Variants in CCDC192 observed in about 807,000 individuals in gnomAD.
CCDC192 encodes the protein coiled-coil domain containing 192, also known as coiled-coil domain-containing protein 192.
intron 3 of CCDC192, among the ~76,000 whole-genome samples, chr5:127,760,749 A>C (rs1754873769): frequency 6.6e-6 from 1 of 151,700 alleles, no homozygotes; most frequent in Admixed American, 6.6e-5. Context: ...AGATTGAAAA[A>C]TAATAATGCT....
At chr5:127,865,628 C>A (rs1405199204) in intron 5 of CCDC192, among the ~76,000 whole-genome samples, 1 of 149,374 alleles carries the variant, frequency 6.7e-6, no homozygotes, top group Non-Finnish European at 1.5e-5. Context: ...ATCATCAAAT[C>A]GACAAAGACT....
At chr5:127,790,681 C>T (rs1756819284) in intron 3 of CCDC192, among the ~76,000 whole-genome samples, 1 of 152,082 alleles carries the variant, frequency 6.6e-6, no homozygotes, top group South Asian at 2.1e-4. Flanking sequence ...TTTTTTAGCT[C>T]CCAGATAGAA....
intron 5 of CCDC192, among the ~76,000 whole-genome samples, chr5:127,870,163 A>G (rs1197275717): frequency 1.3e-5 from 2 of 152,226 alleles, no homozygotes; most frequent in Non-Finnish European, 2.9e-5. Context: ...AATGGTCACA[A>G]TAACAAGAAT....
chr5:127,844,330 T>C (rs1750430846), intron 5 of CCDC192, among the ~76,000 whole-genome samples: 1 of 152,218 alleles, frequency 6.6e-6, no homozygotes, highest in South Asian at 2.1e-4. Flanking sequence ...AGATTAAACT[T>C]GTTAATGAGG....
chr5:127,843,813 G>A (rs1026359844), intron 5 of CCDC192, among the ~76,000 whole-genome samples: 1 of 152,158 alleles, frequency 6.6e-6, no homozygotes, highest in Non-Finnish European at 1.5e-5. Context: ...AGGTTTTCAT[G>A]TAGGCGATTT....
intron 5 of CCDC192, among the ~76,000 whole-genome samples, chr5:127,798,997 A>G (rs1757330324): frequency 6.6e-6 from 1 of 152,176 alleles, no homozygotes; most frequent in African/African-American, 2.4e-5. Flanking sequence ...AAGGATCTGA[A>G]CAACCCAAAT....
At chr5:127,740,108 A>T (rs1298190118) in intron 2 of CCDC192, 1 of 152,292 alleles carries the variant, frequency 6.6e-6, no homozygotes, top group African/African-American at 2.4e-5. Flanking sequence ...CCAAACAGAG[A>T]ACGACACTGG....
chr5:127,877,784 A>AC (rs201541912), intron 6 of CCDC192, among the ~76,000 whole-genome samples: 601 of 151,738 alleles, frequency 4.0e-3, no homozygotes, highest in Middle Eastern at 0.017. Context: ...GGGCTGGCCC[A>AC]CCCCCCCACA....
At chr5:127,794,376 C>G (rs1339335160) in intron 3 of CCDC192, among the ~76,000 whole-genome samples, 1 of 152,156 alleles carries the variant, frequency 6.6e-6, no homozygotes, top group Non-Finnish European at 1.5e-5. Context: ...TTTGTTGAAA[C>G]TCAACTTCTT....
intron 3 of CCDC192, among the ~76,000 whole-genome samples, chr5:127,765,881 G>T (rs570028200): frequency 6.6e-6 from 1 of 152,272 alleles, no homozygotes; most frequent in East Asian, 1.9e-4. Context: ...AAAAGGAGTT[G>T]TCCATATTAT....
rs560769466 is a variant in CCDC192 at position 127,779,536 on chromosome 5, C to T, written c.223-17567C>T. Among the ~76,000 whole-genome samples the T allele has an allele frequency of 8.7e-4, 132 of 152,096 alleles. 1 individual carries two copies. The highest frequency in any genetic ancestry group is 3.0e-3 in the African/African-American group (124 of 41,494). On this transcript the variant is annotated intron_variant, in intron 3 of 6. Coordinates refer to ENST00000514853, the MANE Select transcript of CCDC192 (RefSeq NM_001317938.2). ...AGTCTCGATCTCCTGACCCTGTGATCCACCCGCCTCAGCCTCCCAAAGTGC... is the reference window on the plus strand; with the variant it reads ...AGTCTCGATCTCCTGACCCTGTGATTCACCCGCCTCAGCCTCCCAAAGTGC...
chr5:127,755,872 G>A (rs535293634), intron 3 of CCDC192, among the ~76,000 whole-genome samples: 18 of 151,604 alleles, frequency 1.2e-4, no homozygotes, highest in Non-Finnish European at 1.9e-4. Context: ...ACTCATAAAA[G>A]TACCCATTCC....
chr5:127,918,359 T>C (rs1240347304), intron 6 of CCDC192, among the ~76,000 whole-genome samples: 2 of 152,182 alleles, frequency 1.3e-5, no homozygotes, highest in African/African-American at 4.8e-5. Flanking sequence ...GTTTTGTATC[T>C]TGAAACTGAG....
intron 5 of CCDC192, among the ~76,000 whole-genome samples, chr5:127,850,740 C>G (rs1414403495): frequency 6.6e-6 from 1 of 152,042 alleles, no homozygotes; most frequent in Non-Finnish European, 1.5e-5. Context: ...CCGAGGCAGG[C>G]AAATCACCTG....
chr5:127,905,682 A>C (rs1156736305), intron 6 of CCDC192, among the ~76,000 whole-genome samples: 1 of 152,296 alleles, frequency 6.6e-6, no homozygotes, highest in East Asian at 1.9e-4. Flanking sequence ...CTCACAGCCT[A>C]TGTTTCTTTT....
intron 5 of CCDC192, among the ~76,000 whole-genome samples, chr5:127,869,148 C>A (rs1751738712): frequency 6.6e-6 from 1 of 152,026 alleles, no homozygotes; most frequent in Non-Finnish European, 1.5e-5. Context: ...CATGGTGAAA[C>A]CCCATCTCTA....
At chr5:127,885,584 T>C (rs944955384) in intron 6 of CCDC192, among the ~76,000 whole-genome samples, 1 of 152,162 alleles carries the variant, frequency 6.6e-6, no homozygotes, top group Admixed American at 6.5e-5. Context: ...TGTTTCCTTA[T>C]AGGAGGTTAA....
At chr5:127,797,766 TATATATATA>T (rs1561494216) in intron 4 of CCDC192, among the ~76,000 whole-genome samples, 1,954 of 13,436 alleles carry the variant, frequency 0.15, 88 homozygotes, top group African/African-American at 0.25. Context: ...TATATATATA[TATATATATA>T]TATTTATTTA....
rs34017962 is a variant in CCDC192, at chr5:127,792,525, C to CATATATATATATATATATAT, written c.223-4575_223-4556dup. ...ACACAACCAAACCATATCACCATCT[C>CATATATATATATATATATAT]ATATATATATATATATATATATGTA... On this transcript the variant is annotated intron_variant, in intron 3 of 6. Coordinates refer to ENST00000514853, the MANE Select transcript of CCDC192 (RefSeq NM_001317938.2). 1.8e-3 allele frequency among the ~76,000 whole-genome samples: 260 copies of CATATATATATATATATATAT among 141,242 alleles called. 1 individual carries two copies. Among genetic ancestry groups the CATATATATATATATATATAT allele is most frequent in the African/African-American group, 3.0e-3 (115 of 38,238 alleles). 92.7% of individuals were successfully genotyped at this position (141,242 alleles called of 152,430 possible).
Sources: allele counts gnomAD v4.1 joint callset (sites outside exome capture counted in the v4.1 genomes callset), GRCh38; gene constraint gnomAD v4.1.1; transcripts MANE v1.5; gene names NCBI Gene and HGNC (gene_info 2026-07-23, HGNC 2026-07-21).